Variants in RPL21 observed in about 807,000 individuals in gnomAD.
The protein encoded by RPL21 is large ribosomal subunit protein eL21.
Under a neutral mutation model 21.2 loss-of-function variants are expected in RPL21, and 1 was observed. That is an observed-to-expected ratio of 0.05 (90% CI 0.02 to 0.22). The LOEUF is 0.22. Ranked by LOEUF, RPL21 falls within the 10% of genes least tolerant of loss-of-function variation. The pLI, the probability that RPL21 is intolerant of heterozygous loss-of-function variation, is 1.00. For synonymous variants in RPL21, 52 were observed against 62.9 expected, an observed-to-expected ratio of 0.83 and a Z score of 0.82; for missense variants, 113 against 199.4, an observed-to-expected ratio of 0.57 and a Z score of 2.61.
At chr13:27,252,031 T>C (rs1881674293) in intron 1 of RPL21, among the ~76,000 whole-genome samples, 1 of 152,190 alleles carries the variant, frequency 6.6e-6, no homozygotes, top group African/African-American at 2.4e-5. Flanking sequence ...GGGTGAGGAC[T>C]TAAGGGGTAG....
chr13:27,254,563 T>A (rs1881807733), intron 3 of RPL21: 1 of 401,642 alleles, frequency 2.5e-6, no homozygotes, highest in South Asian at 2.6e-5. Context: ...CCTGGCTAAT[T>A]TTGTATTTTT....
intron 2 of RPL21, 51 bp downstream of exon 2, chr13:27,253,894 G>C: frequency 1.9e-6 from 2 of 1,050,906 alleles, no homozygotes; most frequent in Non-Finnish European, 3.0e-6. Context: ...TTTGTGTTCT[G>C]TTGTGTTCAA....
At chr13:27,254,392 ATTTTTTT>A (rs555263610) in intron 3 of RPL21, 111 bp downstream of exon 3, 7 of 286,824 alleles carry the variant, frequency 2.4e-5, no homozygotes, top group East Asian at 6.9e-5. Flanking sequence ...TATAGAATGG[ATTTTTTT>A]TTTTTTTTTT....
Position 27,252,771 on chromosome 13 carries a change from G to T in RPL21, c.-12-994G>T, listed in dbSNP as rs185444397. Among the ~76,000 whole-genome samples the T allele has an allele frequency of 8.3e-3, 1,258 of 152,264 alleles. 12 individuals carry two copies. Among genetic ancestry groups the T allele is most frequent in the Middle Eastern group, 0.024 (7 of 294 alleles). ...TGAGTTAGGTGAAACATGTCTTCTT[G>T]CTATACAATTTTTATAAAAATGGTA... On this transcript the variant is annotated intron_variant, in intron 1 of 5. Transcript: ENST00000311549.
chr13:27,251,887 T>C (rs1322321568), intron 1 of RPL21: 1 of 152,232 alleles, frequency 6.6e-6, no homozygotes, highest in African/African-American at 2.4e-5. Flanking sequence ...AAGACTTCGT[T>C]TTATGTTCCC....
In RPL21 at chr13:27,254,418, G is replaced by A. The variant is rs184996714; in HGVS notation, c.129+137G>A. 1.3e-4 allele frequency: 49 copies of A among 389,990 alleles called. No individual in the cohort carries two copies. In the African/African-American group the frequency reaches 1.7e-3, roughly 14 times the overall value. 24.2% of individuals were successfully genotyped at this position (389,990 alleles called of 1,614,324 possible). On this transcript the variant is annotated intron_variant, in intron 3 of 5. Transcript: ENST00000311549. ...TTTTTTTTTTTTTTTTTTTGGAGAC[G>A]GAGTTTCACTCTTGTTGCTCAGGCT...
In RPL21 at chr13:27,254,263, T is replaced by G; in HGVS notation, c.111T>G (p.Gly37=). 1 of 1,595,196 alleles carries G rather than the reference T, an allele frequency of 6.3e-7. No individual in the cohort carries two copies. Among genetic ancestry groups the G allele is most frequent in the Non-Finnish European group, 8.6e-7 (1 of 1,162,822 alleles). The part of the protein sequence containing the change: ...LATYMRIYKK[G]DIVDIKGMGT... ...CATATATGCGAATCTATAAGAAAGG[T>G]GATATTGTAGACATCAAGGTAAACA... The change falls in exon 3 of 6, where the codon GGT becomes GGG. Residue 37 remains glycine, a synonymous_variant. Coordinates refer to ENST00000311549, the MANE Select transcript of RPL21 (RefSeq NM_000982.4).
chr13:27,253,109 C>G (rs1387486788), intron 1 of RPL21, among the ~76,000 whole-genome samples: 1 of 152,192 alleles, frequency 6.6e-6, no homozygotes. Flanking sequence ...ATTACCTCAG[C>G]TACGAAAGTG....
intron 3 of RPL21, chr13:27,255,016 A>G (rs760363831): frequency 1.8e-5 from 13 of 718,102 alleles, no homozygotes; most frequent in Non-Finnish European, 3.3e-5. Context: ...CCTCCTAGTG[A>G]AAGCTGTGTT....
intron 3 of RPL21, 111 bp downstream of exon 3, chr13:27,254,392 ATTTTTTTTTT>A (rs555263610): frequency 1.1e-5 from 3 of 284,640 alleles, no homozygotes; most frequent in South Asian, 2.7e-5. Flanking sequence ...TATAGAATGG[ATTTTTTTTTT>A]TTTTTTTTTG....
At chr13:27,255,752 TTAGTA>T (rs1490870175) in intron 4 of RPL21, 1 of 357,236 alleles carries the variant, frequency 2.8e-6, no homozygotes, top group Admixed American at 4.0e-5. Context: ...TTTTGTATTC[TTAGTA>T]GAGACAGGGT....
chr13:27,256,380 G>A, intron 5 of RPL21, 46 bp downstream of exon 5: 1 of 1,590,762 alleles, frequency 6.3e-7, no homozygotes, highest in Non-Finnish European at 8.6e-7. Context: ...GCACTTTAAG[G>A]TTGAGATTTA....
At position 27,252,618 on chromosome 13, in the gene RPL21, T is replaced by C. The variant is rs866677405; in HGVS notation, c.-13+1033T>C. 3.9e-5 allele frequency among the ~76,000 whole-genome samples: 6 copies of C among 152,308 alleles called. 1 individual carries two copies. The highest frequency in any genetic ancestry group is 6.8e-3 in the Middle Eastern group (2 of 294). ...CACAAAGTGACTTGAATCTACACAG[T>C]ATCACCCTTTGTGTACTAACTTAGC... On this transcript the variant is annotated intron_variant, in intron 1 of 5. Coordinates refer to ENST00000311549, the MANE Select transcript of RPL21 (RefSeq NM_000982.4).
At chr13:27,255,451 A>C (rs753157494) in intron 4 of RPL21, 97 bp downstream of exon 4, 1 of 775,484 alleles carries the variant, frequency 1.3e-6, no homozygotes, top group Admixed American at 1.7e-5. Flanking sequence ...TGGTCATTCA[A>C]GTGGGGCAAA....
At chr13:27,253,232 C>T (rs1462793806) in intron 1 of RPL21, among the ~76,000 whole-genome samples, 1 of 151,870 alleles carries the variant, frequency 6.6e-6, no homozygotes, top group Non-Finnish European at 1.5e-5. Flanking sequence ...GGGTTCCCCT[C>T]TCTTCTACCC....
chr13:27,254,644 C>T (rs931479556), intron 3 of RPL21, among the ~76,000 whole-genome samples: 4 of 152,218 alleles, frequency 2.6e-5, no homozygotes, highest in South Asian at 2.1e-4. Context: ...TGGACTCAGC[C>T]TCCCAATGTG....
chr13:27,253,069 G>A (rs533197725), intron 1 of RPL21, among the ~76,000 whole-genome samples: 3 of 152,136 alleles, frequency 2.0e-5, no homozygotes, highest in African/African-American at 7.2e-5. Context: ...CACTTTACAC[G>A]GGCCAAGCAT....
At chr13:27,253,652 T>A in intron 1 of RPL21, 113 bp from the exon 2 acceptor site, 1 of 706,874 alleles carries the variant, frequency 1.4e-6, no homozygotes, top group Non-Finnish European at 2.6e-6. Context: ...GTGATCCAGC[T>A]TTCAGTTTGC....
Position 27,253,929 on chromosome 13 carries a change from G to C in RPL21, c.67+86G>C. The C allele has an allele frequency of 7.1e-6, 6 of 843,932 alleles. No individual in the cohort carries two copies. The South Asian group carries it at 8.1e-5, about 11-fold the overall frequency. 52.3% of individuals were successfully genotyped at this position (843,932 alleles called of 1,614,324 possible). On this transcript the variant is annotated intron_variant, in intron 2 of 5. Transcript: ENST00000311549. ...ACATGTGTTGTAGTTCATAGAATGT[G>C]TATCAATAGAATTAAATAACTAGCG...
Sources: gnomAD v4.1 joint callset for allele counts (sites outside exome capture counted in the v4.1 genomes callset) on GRCh38, gnomAD v4.1.1 for gene constraint, MANE v1.5 for transcripts, NCBI Gene and HGNC (gene_info 2026-07-23, HGNC 2026-07-21) for gene names.